Variants in PTPRD observed in about 807,000 individuals in gnomAD.
PTPRD encodes protein tyrosine phosphatase receptor type D, also known as receptor-type tyrosine-protein phosphatase delta.
Under a neutral mutation model 214.5 loss-of-function variants are expected in PTPRD, and 34 were observed. That is an observed-to-expected ratio of 0.16 (90% CI 0.12 to 0.21). The LOEUF (loss-of-function observed/expected upper bound fraction) is 0.21, where lower values mean the gene tolerates loss of function less well. Ranked by LOEUF, PTPRD falls within the 10% of genes least tolerant of loss-of-function variation. PTPRD has a pLI of 1.00. For synonymous variants in PTPRD, 1,128 were observed against 845.7 expected (o/e 1.33, Z -5.79); for missense variants, 2,545 against 2,398.7 (o/e 1.06, Z -1.27).
intron 8 of PTPRD, among the ~76,000 whole-genome samples, chr9:9,476,461 G>A (rs575168215): frequency 2.6e-5 from 4 of 152,272 alleles, no homozygotes; most frequent in East Asian, 1.9e-4. Context: ...GATGTGTTAC[G>A]GGGATAATCA....
At position 9,882,352 on chromosome 9, in the gene PTPRD, T is replaced by A. The variant is rs1743563231; in HGVS notation, c.-368+56155A>T. Among the ~76,000 whole-genome samples, 3 of 152,110 alleles carry A rather than the reference T, an allele frequency of 2.0e-5. No homozygotes were observed. The South Asian group carries it at 6.2e-4, about 31-fold the overall frequency. ...GGTTTTCCCATCATTTTTGCTTGTA[T>A]CTGTTTCATATACCATTTATATTTG... is the stretch of plus-strand genomic sequence containing the variant. On this transcript the variant is annotated intron_variant, in intron 5 of 45. Coordinates refer to ENST00000381196, the MANE Select transcript of PTPRD (RefSeq NM_002839.4).
chr9:10,459,345 G>C (rs974557448), intron 2 of PTPRD, among the ~76,000 whole-genome samples: 1 of 152,112 alleles, frequency 6.6e-6, no homozygotes, highest in Admixed American at 6.5e-5. Context: ...ATTGTGAATT[G>C]TGCCGCAATA....
chr9:9,090,767 C>A, intron 10 of PTPRD: 1 of 639,568 alleles, frequency 1.6e-6, no homozygotes. Flanking sequence ...TTTCAAGTTG[C>A]ATCCTCTTTA....
chr9:8,383,826 C>T (rs2086007058), intron 37 of PTPRD, among the ~76,000 whole-genome samples: 1 of 152,140 alleles, frequency 6.6e-6, no homozygotes, highest in South Asian at 2.1e-4. Flanking sequence ...AACATTGAGT[C>T]TCTACTATGG....
intron 3 of PTPRD, among the ~76,000 whole-genome samples, chr9:10,162,687 G>C (rs1161341089): frequency 7.0e-6 from 1 of 142,920 alleles, no homozygotes; most frequent in Non-Finnish European, 1.5e-5. Context: ...ATGTATATAT[G>C]TGTATATATA....
At chr9:10,025,381 C>G (rs747858248) in intron 4 of PTPRD, among the ~76,000 whole-genome samples, 2 of 152,082 alleles carry the variant, frequency 1.3e-5, no homozygotes, top group Non-Finnish European at 2.9e-5. Context: ...CAATTTTGTC[C>G]AAATCCTTCA....
chr9:9,333,379 A>T (rs191105895), intron 9 of PTPRD, among the ~76,000 whole-genome samples: 88 of 151,304 alleles, frequency 5.8e-4, no homozygotes, highest in Non-Finnish European at 1.9e-4. Context: ...TGGAGTAAAG[A>T]CAGAGAGAGT....
intron 2 of PTPRD, among the ~76,000 whole-genome samples, chr9:10,363,130 A>C (rs2097428385): frequency 6.6e-6 from 1 of 152,022 alleles, no homozygotes; most frequent in African/African-American, 2.4e-5. Context: ...TTTCTGATTT[A>C]TTTTTTCTCA....
chr9:10,242,752 T>G (rs890639220), intron 3 of PTPRD, among the ~76,000 whole-genome samples: 2 of 151,858 alleles, frequency 1.3e-5, no homozygotes, highest in African/African-American at 4.8e-5. Context: ...TTATTTTTCT[T>G]TCTAGTGGTG....
intron 14 of PTPRD, among the ~76,000 whole-genome samples, chr9:8,598,577 A>G (rs1481595842): frequency 6.6e-6 from 1 of 152,210 alleles, no homozygotes; most frequent in African/African-American, 2.4e-5. Context: ...AATATTTTTG[A>G]CCCTTAGAAA....
intron 3 of PTPRD, among the ~76,000 whole-genome samples, chr9:10,267,858 A>C (rs190543932): frequency 1.1e-4 from 17 of 152,322 alleles, no homozygotes; most frequent in Admixed American, 5.9e-4. Flanking sequence ...GCTCTGAGAA[A>C]CTTATTATTA....
At chr9:8,586,166 G>A (rs952419582) in intron 14 of PTPRD, among the ~76,000 whole-genome samples, 12 of 152,274 alleles carry the variant, frequency 7.9e-5, no homozygotes, top group South Asian at 6.2e-4. Context: ...TAGGCGTGGC[G>A]GCGTGTGCCT....
chr9:10,560,641 A>C (rs2063721820), intron 2 of PTPRD, among the ~76,000 whole-genome samples: 1 of 151,932 alleles, frequency 6.6e-6, no homozygotes, highest in East Asian at 1.9e-4. Context: ...GAATAAGAGA[A>C]TCTACACACA....
intron 14 of PTPRD, among the ~76,000 whole-genome samples, chr9:8,602,353 A>G (rs912227797): frequency 9.2e-5 from 14 of 152,266 alleles, no homozygotes; most frequent in Admixed American, 6.5e-4. Flanking sequence ...CCTTGTCTGT[A>G]TAAGCCTTTG....
rs189865809 is a variant in PTPRD at position 10,386,124 on chromosome 9, T to C, written c.-599-45107A>G. Among the ~76,000 whole-genome samples the C allele has an allele frequency of 1.1e-4, 17 of 152,002 alleles. No homozygotes were observed. The East Asian group carries it at 3.1e-3, about 28-fold the overall frequency. ...AGCAAGTGGATTTTATTATCCAGAA[T>C]TTAAAATCCACTGGCTATGATAAAA... On this transcript the variant is annotated intron_variant, in intron 2 of 45. Transcript: ENST00000381196.
chr9:10,182,206 G>C (rs2099298382), intron 3 of PTPRD, among the ~76,000 whole-genome samples: 3 of 140,302 alleles, frequency 2.1e-5, no homozygotes, highest in Non-Finnish European at 3.0e-5. Context: ...GTTGCAGTGA[G>C]CTGAGATCAT....
intron 11 of PTPRD, among the ~76,000 whole-genome samples, chr9:8,826,256 CTT>C (rs2097172988): frequency 1.3e-5 from 2 of 152,210 alleles, no homozygotes; most frequent in East Asian, 1.9e-4. Context: ...TATTTCTACT[CTT>C]GTTACCTCCC....
chr9:9,484,687 T>G (rs965515435), intron 8 of PTPRD, among the ~76,000 whole-genome samples: 1 of 152,112 alleles, frequency 6.6e-6, no homozygotes, highest in Non-Finnish European at 1.5e-5. Context: ...CATTTTTAGA[T>G]GAAAACTGAG....
At position 10,424,603 on chromosome 9, in the gene PTPRD, G is replaced by C. The variant is rs543602512; in HGVS notation, c.-599-83586C>G. Among the ~76,000 whole-genome samples, 511 of 151,914 alleles carry C rather than the reference G, an allele frequency of 3.4e-3. 1 individual carries two copies. The highest frequency in any genetic ancestry group is 0.011 in the South Asian group (52 of 4,814). ...CCACCTGTCTTACGAAGGGCAAGTG[G>C]ATAATAAAATGAGGAAAACCATGAC... is the stretch of plus-strand genomic sequence containing the variant. On this transcript the variant is annotated intron_variant, in intron 2 of 45. Transcript: ENST00000381196.
Sources: allele counts gnomAD v4.1 joint callset (sites outside exome capture counted in the v4.1 genomes callset), GRCh38; gene constraint gnomAD v4.1.1; transcripts MANE v1.5; gene names NCBI Gene and HGNC (gene_info 2026-07-23, HGNC 2026-07-21).